The following IL20RB variants were observed in gnomAD, a reference collection of about 807,000 sequenced individuals.
IL20RB encodes the protein interleukin 20 receptor subunit beta, also known as interleukin-20 receptor subunit beta.
A neutral mutation model predicts 33.3 loss-of-function variants in IL20RB; 21 were observed. The observed-to-expected ratio is 0.63, with a 90% CI of 0.45 to 0.91. The LOEUF (loss-of-function observed/expected upper bound fraction) is 0.91. Ranked by LOEUF, IL20RB falls within the 40% of genes least tolerant of loss-of-function variation. IL20RB has a pLI of 0.00. For synonymous variants in IL20RB, 147 were observed against 146.8 expected, an observed-to-expected ratio of 1.00 and a Z score of -0.01; for missense variants, 345 against 384.8, an observed-to-expected ratio of 0.90 and a Z score of 0.86.
intron 3 of IL20RB, among the ~76,000 whole-genome samples, chr3:136,982,973 G>A (rs1390281828): frequency 6.6e-6 from 1 of 152,224 alleles, no homozygotes; most frequent in Non-Finnish European, 1.5e-5. Context: ...GAGAGGCAAG[G>A]GCTGATGGGC....
At chr3:136,958,407 G>A (rs1016418000) in intron 1 of IL20RB, among the ~76,000 whole-genome samples, 1 of 152,078 alleles carries the variant, frequency 6.6e-6, no homozygotes, top group African/African-American at 2.4e-5. Flanking sequence ...TCTTCTTAAT[G>A]TCCACACAAC....
intron 6 of IL20RB, among the ~76,000 whole-genome samples, chr3:137,009,717 G>C (rs931708317): frequency 1.2e-3 from 189 of 152,172 alleles, no homozygotes; most frequent in African/African-American, 4.3e-3. Context: ...TTTATTTTTT[G>C]TGGAGAGGGA....
intron 6 of IL20RB, among the ~76,000 whole-genome samples, chr3:136,997,575 CT>C (rs541001735): frequency 0.013 from 1,669 of 130,518 alleles, 10 homozygotes; most frequent in Middle Eastern, 0.021. Flanking sequence ...ATCAGTATAT[CT>C]TTTTTTTTTT....
intron 1 of IL20RB, among the ~76,000 whole-genome samples, chr3:136,960,138 CTTTTTTTTTTTTT>C (rs10540948): frequency 2.0e-3 from 71 of 36,208 alleles, no homozygotes; most frequent in Admixed American, 5.1e-3. Flanking sequence ...AGAGTTGTGG[CTTTTTTTTTTTTT>C]TTTTTTTTTT....
intron 4 of IL20RB, 126 bp downstream of exon 4, chr3:136,989,691 G>A (rs1941993432): frequency 3.8e-6 from 4 of 1,051,686 alleles, no homozygotes; most frequent in Non-Finnish European, 5.5e-6. Flanking sequence ...TGGGTGAAGT[G>A]TGCAAAAGAT....
rs1485268570 is a variant in IL20RB at position 136,995,457 on chromosome 3, C to G, written c.726C>G (p.Gly242=). The G allele has an allele frequency of 6.2e-7, 1 of 1,614,002 alleles. No homozygotes were observed. Among genetic ancestry groups the G allele is most frequent in the Non-Finnish European group, 8.5e-7 (1 of 1,180,016 alleles). ...TACTGGCCCTGTTTGCCTTTGTTGG[C>G]TTCATGCTGATCCTTGTGGTCGTGC... ...PLVLALFAFV[G]FMLILVVVPL... The change falls in exon 6 of 7, where the codon GGC becomes GGG. Residue 242 remains glycine (G), a synonymous_variant. Coordinates refer to ENST00000329582, the MANE Select transcript of IL20RB (RefSeq NM_144717.4).
chr3:136,992,212 G>A (rs932476634), intron 5 of IL20RB, 124 bp downstream of exon 5: 1 of 996,462 alleles, frequency 1.0e-6, no homozygotes, highest in East Asian at 2.7e-5. Flanking sequence ...CTCCCTCATG[G>A]ACTGGGTGGG....
chr3:136,978,166 G>GTTT (rs780316908), intron 1 of IL20RB, among the ~76,000 whole-genome samples: 4 of 130,696 alleles, frequency 3.1e-5, no homozygotes, highest in African/African-American at 5.6e-5. Context: ...GTTCTGTCTT[G>GTTT]TTTTTTTTTT....
At chr3:136,990,233 C>G (rs1942004438) in intron 4 of IL20RB, among the ~76,000 whole-genome samples, 1 of 152,010 alleles carries the variant, frequency 6.6e-6, no homozygotes, top group African/African-American at 2.4e-5. Flanking sequence ...AGCCTCTGTC[C>G]AAGCATATGA....
intron 1 of IL20RB, among the ~76,000 whole-genome samples, chr3:136,973,219 C>T (rs775452131): frequency 1.8e-4 from 28 of 151,874 alleles, no homozygotes; most frequent in Non-Finnish European, 2.8e-4. Flanking sequence ...CAGTGTCTCA[C>T]GCCTGTAATC....
rs1577016673 is a variant in IL20RB, at chr3:136,976,329, G to A, written c.89-4137G>A. On this transcript the variant is annotated intron_variant, in intron 1 of 6. Transcript: ENST00000329582. ...TCCTCAGGTCTCAGGTGGAATGCAT[G>A]GGTGAGGAGTGGTAGTAGCCATGCT... Among the ~76,000 whole-genome samples the A allele has an allele frequency of 5.9e-5, 9 of 152,332 alleles. No homozygotes were observed. The South Asian group carries it at 1.9e-3, about 32-fold the overall frequency.
At chr3:136,959,178 ATATT>A (rs1479016265) in intron 1 of IL20RB, 2 of 152,128 alleles carry the variant, frequency 1.3e-5, no homozygotes, top group African/African-American at 2.4e-5. Context: ...GCCCCACCCT[ATATT>A]TATTTAACCC....
At chr3:136,975,552 T>C (rs1386643764) in intron 1 of IL20RB, among the ~76,000 whole-genome samples, 1 of 152,172 alleles carries the variant, frequency 6.6e-6, no homozygotes, top group Non-Finnish European at 1.5e-5. Flanking sequence ...TTAGCCAGGA[T>C]GGTCTTGATC....
intron 1 of IL20RB, among the ~76,000 whole-genome samples, chr3:136,960,980 T>C (rs1158240803): frequency 6.6e-6 from 1 of 152,230 alleles, no homozygotes; most frequent in Non-Finnish European, 1.5e-5. Flanking sequence ...GCAAAGATTT[T>C]TGCCTGGAAA....
rs959807483 is a variant in IL20RB, at chr3:137,002,777, T to G, written c.825+7221T>G. Among the ~76,000 whole-genome samples, 7 of 152,278 alleles carry G rather than the reference T, an allele frequency of 4.6e-5. No homozygotes were observed. In the South Asian group the frequency reaches 1.0e-3, roughly 23 times the overall value. On this transcript the variant is annotated intron_variant, in intron 6 of 6. Coordinates refer to ENST00000329582, the MANE Select transcript of IL20RB (RefSeq NM_144717.4). ...GTGCAGAAGCTCTTTAGGTTAATTA[T>G]ATCCCATTTGTCTATTTTGGCTTTT... is the stretch of plus-strand genomic sequence containing the variant.
chr3:136,971,823 T>C (rs1577013312), intron 1 of IL20RB, among the ~76,000 whole-genome samples: 1 of 152,304 alleles, frequency 6.6e-6, no homozygotes, highest in South Asian at 2.1e-4. Context: ...CTTTGACATA[T>C]TGATTTATTT....
At chr3:136,961,502 G>C (rs1376604177) in intron 1 of IL20RB, among the ~76,000 whole-genome samples, 2 of 151,484 alleles carry the variant, frequency 1.3e-5, no homozygotes, top group Non-Finnish European at 2.9e-5. Flanking sequence ...TGTGGGTGGG[G>C]CTCCTTAGAG....
chr3:136,958,037 G>T lies in IL20RB; in HGVS notation c.-77G>T. ...ACCTCAGCTCCAACATATGCATTCTGAAGAAAGATGGCTGAGATGGACAGA... is the reference window on the plus strand; with the variant it reads ...ACCTCAGCTCCAACATATGCATTCTTAAGAAAGATGGCTGAGATGGACAGA... On this transcript the variant is annotated 5_prime_UTR_variant, in exon 1 of 7. The change creates a premature stop within an existing upstream ORF in the 5' untranslated region. Transcript: ENST00000329582. 1 of 914,044 alleles carries T rather than the reference G, an allele frequency of 1.1e-6. No homozygotes were observed. Among genetic ancestry groups the T allele is most frequent in the East Asian group, 2.4e-5 (1 of 40,944 alleles). The allele number at this position is 914,044 out of a possible 1,614,324, so 56.6% of individuals were successfully genotyped here.
At chr3:137,009,759 G>A (rs968209058) in intron 6 of IL20RB, among the ~76,000 whole-genome samples, 2 of 152,026 alleles carry the variant, frequency 1.3e-5, no homozygotes, top group African/African-American at 2.4e-5. Context: ...TGGTCTCTAA[G>A]TCCTGGGCTC....
Sources: gnomAD v4.1 joint callset for allele counts (sites outside exome capture counted in the v4.1 genomes callset) on GRCh38, gnomAD v4.1.1 for gene constraint, MANE v1.5 for transcripts, NCBI Gene and HGNC (gene_info 2026-07-23, HGNC 2026-07-21) for gene names.